The following ROBO2 variants were observed in gnomAD, a reference collection of about 807,000 sequenced individuals.
The protein encoded by ROBO2 is roundabout homolog 2.
ROBO2 carries 53 observed loss-of-function variants against 160.8 expected under a neutral mutation model. The observed-to-expected ratio is 0.33, with a 90% CI of 0.26 to 0.41. ROBO2 has a LOEUF of 0.41. Among genes scored for constraint, ROBO2 ranks in the 10% least tolerant of loss-of-function variants. The probability of loss-of-function intolerance (pLI) is 1.00; values close to 1 mark genes in which losing one functional copy is unlikely to be tolerated. For missense variants in ROBO2, 1,577 were observed against 1,722.4 expected (o/e 0.92, Z 1.49); for synonymous variants, 664 against 611.7 (o/e 1.09, Z -1.26).
intron 2 of ROBO2, among the ~76,000 whole-genome samples, chr3:76,176,430 G>C (rs2073234229): frequency 6.6e-6 from 1 of 152,114 alleles, no homozygotes; most frequent in Non-Finnish European, 1.5e-5. Context: ...TTTGTGGATA[G>C]TCATGAATAT....
At chr3:76,937,848 T>C (rs553543003) in intron 2 of ROBO2, among the ~76,000 whole-genome samples, 54 of 152,352 alleles carry the variant, frequency 3.5e-4, no homozygotes, top group African/African-American at 1.0e-3. Flanking sequence ...ATGGCCATCA[T>C]TGTACACACA....
intron 5 of ROBO2, among the ~76,000 whole-genome samples, chr3:77,505,849 CA>C (rs1396631083): frequency 6.6e-6 from 1 of 152,100 alleles, no homozygotes; most frequent in East Asian, 1.9e-4. Context: ...ATCCAAAGCC[CA>C]CTTTCTTGAC....
At chr3:77,139,472 C>CCTAGGT (rs1374217546) in intron 2 of ROBO2, among the ~76,000 whole-genome samples, 3 of 152,114 alleles carry the variant, frequency 2.0e-5, no homozygotes, top group Non-Finnish European at 4.4e-5. Flanking sequence ...GCCTTGCAGC[C>CCTAGGT]ACATCTACCA....
rs116025682 is a variant in ROBO2, at chr3:76,756,800, C to T, written c.110-341214C>T. Among the ~76,000 whole-genome samples, 360 of 151,972 alleles carry T rather than the reference C, an allele frequency of 2.4e-3. 2 individuals carry two copies. The highest frequency in any genetic ancestry group is 8.5e-3 in the African/African-American group (351 of 41,520). The stretch of plus-strand genomic sequence containing the variant: ...AAATCTGTCTACAGGAAGACACGCC[C>T]TGCCTTCCCAAGCCACAGGGCTTCG... On this transcript the variant is annotated intron_variant, in intron 2 of 26. Transcript: ENST00000487694.
intron 2 of ROBO2, among the ~76,000 whole-genome samples, chr3:76,692,061 G>A (rs1330576084): frequency 6.6e-6 from 1 of 152,108 alleles, no homozygotes; most frequent in Non-Finnish European, 1.5e-5. Flanking sequence ...AGAGATGAAG[G>A]AGGAGGAATT....
At chr3:77,579,910 C>T (rs2093870366) in intron 15 of ROBO2, 37 bp from the exon 17 acceptor site, 1 of 1,575,310 alleles carries the variant, frequency 6.3e-7, no homozygotes, top group Admixed American at 1.7e-5. Context: ...AAACGATAAT[C>T]TTATATCCAT....
intron 2 of ROBO2, among the ~76,000 whole-genome samples, chr3:77,234,452 G>A (rs1351056106): frequency 6.6e-6 from 1 of 152,098 alleles, no homozygotes; most frequent in Admixed American, 6.6e-5. Context: ...CACCACAGTC[G>A]TTTAATGTAA....
At chr3:76,747,074 C>A (rs938326039) in intron 2 of ROBO2, among the ~76,000 whole-genome samples, 1 of 152,080 alleles carries the variant, frequency 6.6e-6, no homozygotes, top group African/African-American at 2.4e-5. Context: ...TGGGTTGATT[C>A]CATGTCTTTG....
At chr3:75,941,043 A>C (rs538563349) in intron 2 of ROBO2, among the ~76,000 whole-genome samples, 5 of 152,264 alleles carry the variant, frequency 3.3e-5, no homozygotes, top group Admixed American at 2.0e-4. Context: ...CTCTCATCTC[A>C]GCCTCCTGGT....
chr3:77,117,635 G>A (rs1226926036), intron 2 of ROBO2, among the ~76,000 whole-genome samples: 1 of 152,072 alleles, frequency 6.6e-6, no homozygotes, highest in African/African-American at 2.4e-5. Context: ...ATTAAGGTTA[G>A]CAGTTTGTTT....
intron 2 of ROBO2, among the ~76,000 whole-genome samples, chr3:76,851,756 AAAAAAAAAAT>A (rs2069402851): frequency 7.1e-6 from 1 of 140,846 alleles, no homozygotes; most frequent in South Asian, 2.4e-4. Flanking sequence ...AAAAAAAAAA[AAAAAAAAAAT>A]ATTAACATGT....
At chr3:76,635,603 C>A (rs115768434) in intron 2 of ROBO2, among the ~76,000 whole-genome samples, 4 of 152,176 alleles carry the variant, frequency 2.6e-5, no homozygotes, top group African/African-American at 9.7e-5. Context: ...TCTTTCATTA[C>A]CTTTGAACTT....
chr3:76,055,965 A>G (rs1483091189), intron 2 of ROBO2, among the ~76,000 whole-genome samples: 3 of 152,124 alleles, frequency 2.0e-5, no homozygotes, highest in Admixed American at 2.0e-4. Flanking sequence ...GACTAATTTT[A>G]CTAGTTTTTG....
chr3:76,824,693 C>T (rs1458638000), intron 2 of ROBO2, among the ~76,000 whole-genome samples: 1 of 152,002 alleles, frequency 6.6e-6, no homozygotes, highest in Non-Finnish European at 1.5e-5. Flanking sequence ...ATTTTACACA[C>T]TAAGGGGTAA....
At chr3:77,600,930 A>G (rs1052719123) in intron 19 of ROBO2, among the ~76,000 whole-genome samples, 2 of 152,184 alleles carry the variant, frequency 1.3e-5, no homozygotes, top group Admixed American at 1.3e-4. Context: ...ATGTTTAACA[A>G]CTTCACTGAT....
At chr3:76,042,480 G>C (rs1003121316) in intron 2 of ROBO2, among the ~76,000 whole-genome samples, 3 of 151,958 alleles carry the variant, frequency 2.0e-5, no homozygotes, top group Admixed American at 1.3e-4. Context: ...TATTTACATA[G>C]GTTTAAGTGT....
chr3:76,703,984 C>CT lies in ROBO2; in HGVS notation c.110-394019dup, dbSNP rs150302835. Reference sequence around the variant, plus strand: ...ATCAACAGTAGTTCAAATAGTACTTCTTTTTTTTTTTCCTTTTTGTTATAG... The same window carrying CT: ...ATCAACAGTAGTTCAAATAGTACTTCTTTTTTTTTTTTCCTTTTTGTTATAG... On this transcript the variant is annotated intron_variant, in intron 2 of 26. Transcript: ENST00000487694. 9.2e-4 allele frequency among the ~76,000 whole-genome samples: 134 copies of CT among 145,890 alleles called. 1 individual carries two copies. Among genetic ancestry groups the CT allele is most frequent in the African/African-American group, 1.8e-3 (71 of 40,134 alleles).
chr3:76,040,524 G>T (rs1363286822), intron 2 of ROBO2, among the ~76,000 whole-genome samples: 1 of 151,892 alleles, frequency 6.6e-6, no homozygotes, highest in African/African-American at 2.4e-5. Flanking sequence ...GTTCTTTAGT[G>T]TCTGCATCTA....
chr3:76,828,457 CA>C (rs1225317916), intron 2 of ROBO2, among the ~76,000 whole-genome samples: 2 of 152,078 alleles, frequency 1.3e-5, no homozygotes, highest in African/African-American at 4.8e-5. Flanking sequence ...ACTCTTAGCA[CA>C]AACTTAATGC....
Sources: gnomAD v4.1 joint callset for allele counts (sites outside exome capture counted in the v4.1 genomes callset) on GRCh38, gnomAD v4.1.1 for gene constraint, MANE v1.5 for transcripts, NCBI Gene and HGNC (gene_info 2026-07-23, HGNC 2026-07-21) for gene names.